The following SPTLC2 variants were observed in gnomAD, a reference collection of about 807,000 sequenced individuals.
SPTLC2 encodes serine palmitoyltransferase 2.
A neutral mutation model predicts 62.0 loss-of-function variants in SPTLC2; 21 were observed. The ratio of observed to expected loss-of-function variants is 0.34; its 90% CI spans 0.24 to 0.49. SPTLC2 has a LOEUF of 0.49. Among genes scored for constraint, SPTLC2 ranks in the 20% least tolerant of loss-of-function variants. SPTLC2 has a pLI of 0.99. For synonymous variants in SPTLC2, 261 were observed against 261.8 expected (o/e 1.00, Z 0.03); for missense variants, 511 against 713.0 (o/e 0.72, Z 3.23).
At chr14:77,567,071 C>T (rs1333910048) in intron 5 of SPTLC2, among the ~76,000 whole-genome samples, 2 of 152,010 alleles carry the variant, frequency 1.3e-5, no homozygotes, top group South Asian at 2.1e-4. Context: ...CCCGGGTTCA[C>T]GCCATTCTCC....
chr14:77,554,609 A>C (rs1162252398), intron 8 of SPTLC2: 1 of 153,408 alleles, frequency 6.5e-6, no homozygotes, highest in African/African-American at 2.4e-5. Flanking sequence ...ACAATCTTAC[A>C]AGCTGGGCAT....
intron 1 of SPTLC2, among the ~76,000 whole-genome samples, chr14:77,606,836 A>C (rs1182137165): frequency 4.6e-5 from 7 of 152,108 alleles, no homozygotes; most frequent in Non-Finnish European, 8.8e-5. Context: ...AACATTTTCA[A>C]AAGTTAGCCG....
At position 77,591,730 on chromosome 14, in the gene SPTLC2, G is replaced by GTATGTATGTATTTATTTATT. The variant is rs372095112; in HGVS notation, c.327+5455_327+5456insAATAAATAAATACATACATA. Among the ~76,000 whole-genome samples, 214 of 131,268 alleles carry GTATGTATGTATTTATTTATT rather than the reference G, an allele frequency of 1.6e-3. 2 individuals carry two copies. Among genetic ancestry groups the GTATGTATGTATTTATTTATT allele is most frequent in the Middle Eastern group, 0.014 (4 of 280 alleles). The allele number at this position is 131,268 out of a possible 152,430, so 86.1% of individuals were successfully genotyped here. ...TGTATGTATGTATGTATGTATGTATGTATTTATTTTTAGACGGAGTTTCTC... is the reference window on the plus strand; with the variant it reads ...TGTATGTATGTATGTATGTATGTATGTATGTATGTATTTATTTATTTATTTATTTTTAGACGGAGTTTCTC... On this transcript the variant is annotated intron_variant, in intron 2 of 11. Coordinates refer to ENST00000216484, the MANE Select transcript of SPTLC2 (RefSeq NM_004863.4).
chr14:77,574,037 G>A (rs1276703954), intron 4 of SPTLC2, among the ~76,000 whole-genome samples: 1 of 152,172 alleles, frequency 6.6e-6, no homozygotes, highest in Non-Finnish European at 1.5e-5. Flanking sequence ...AGCTAGGAAG[G>A]TTTCTCCAGA....
chr14:77,518,084 G>A lies in SPTLC2; in HGVS notation c.1523C>T (p.Ala508Val). 1 of 1,614,142 alleles carries A rather than the reference G, an allele frequency of 6.2e-7. No homozygotes were observed. Among genetic ancestry groups the A allele is most frequent in the South Asian group, 1.1e-5 (1 of 91,076 alleles). ...ATGAGCTGCTGACAGGCAAAACCTG[G>A]CTCTGGACTCAATAATTGGGGTGGC... ...FPATPIIESR[A>V]RFCLSAAHTK... is the part of the protein sequence containing the mutation. The change falls in exon 11 of 12, where the codon GCC becomes GTC. Residue 508 changes from alanine (A) to valine (V), a missense_variant. Physicochemically the swap from Ala to Val is moderately conservative, Grantham distance 64. Coordinates refer to ENST00000216484, the MANE Select transcript of SPTLC2 (RefSeq NM_004863.4).
intron 1 of SPTLC2, among the ~76,000 whole-genome samples, chr14:77,615,516 G>C (rs2079961777): frequency 6.6e-6 from 1 of 152,200 alleles, no homozygotes; most frequent in Admixed American, 6.5e-5. Flanking sequence ...ACGTATTAAA[G>C]TCAACTGCAA....
intron 2 of SPTLC2, among the ~76,000 whole-genome samples, chr14:77,587,664 G>A (rs114133603): frequency 0.019 from 2,851 of 151,914 alleles, 92 homozygotes; most frequent in African/African-American, 0.063. Context: ...CTACTCGGAA[G>A]GCTGATCTCT....
chr14:77,611,858 C>G (rs1294023242), intron 1 of SPTLC2, among the ~76,000 whole-genome samples: 1 of 151,800 alleles, frequency 6.6e-6, no homozygotes, highest in Non-Finnish European at 1.5e-5. Flanking sequence ...GAGATTATCT[C>G]AATGTTTTAT....
Position 77,512,188 on chromosome 14 carries a change from A to C in SPTLC2, c.*96T>G. 6.3e-7 allele frequency: 1 copy of C among 1,575,084 alleles called. No homozygotes were observed. Among genetic ancestry groups the C allele is most frequent in the South Asian group, 1.1e-5 (1 of 89,852 alleles). ...TAGCTGAGGCAATGTCTTTCACGTG[A>C]GATGGCCACAGAAGTGTGGTTCCTG... On this transcript the variant is annotated 3_prime_UTR_variant, in exon 12 of 12. Coordinates refer to ENST00000216484, the MANE Select transcript of SPTLC2 (RefSeq NM_004863.4).
chr14:77,513,016 C>CAT (rs2079340539), intron 11 of SPTLC2, among the ~76,000 whole-genome samples: 2 of 62,820 alleles, frequency 3.2e-5, no homozygotes, highest in African/African-American at 6.3e-5. Flanking sequence ...AACCCAGCAA[C>CAT]TTTTTTTTTT....
rs1183105939 is a variant in SPTLC2, at chr14:77,512,340, C to A, written c.1633G>T (p.Val545Leu). 3 of 1,614,198 alleles carry A rather than the reference C, an allele frequency of 1.9e-6. No homozygotes were observed. The highest frequency in any genetic ancestry group is 1.6e-4 in the Middle Eastern group (1 of 6,062). Residue 545 changes from valine (V) to leucine (L), a missense_variant, in exon 12 of 12, where the codon GTA becomes TTA. Coordinates refer to ENST00000216484, the MANE Select transcript of SPTLC2 (RefSeq NM_004863.4). ...LQLKYSRHRL[V>L]PLLDRPFDET... ...TCAAAGGGCCTGTCCAGTAGAGGTACCAACCGATGACGGGAATACTTCAGC... is the reference window on the plus strand; with the variant it reads ...TCAAAGGGCCTGTCCAGTAGAGGTAACAACCGATGACGGGAATACTTCAGC...
At chr14:77,615,067 T>C (rs777766782) in intron 1 of SPTLC2, among the ~76,000 whole-genome samples, 7 of 152,208 alleles carry the variant, frequency 4.6e-5, no homozygotes, top group Non-Finnish European at 8.8e-5. Flanking sequence ...AATTTCCCTA[T>C]TACATTCTAT....
chr14:77,595,289 C>T (rs886141400), intron 2 of SPTLC2, among the ~76,000 whole-genome samples: 15 of 151,172 alleles, frequency 9.9e-5, no homozygotes, highest in Admixed American at 6.6e-4. Context: ...TGCTTGGACC[C>T]GGGAGGCGGA....
chr14:77,545,779 T>C (rs2140012402), intron 9 of SPTLC2, among the ~76,000 whole-genome samples: 1 of 152,308 alleles, frequency 6.6e-6, no homozygotes, highest in African/African-American at 2.4e-5. Flanking sequence ...CAATAGACAC[T>C]GGGCATCCTA....
intron 7 of SPTLC2, among the ~76,000 whole-genome samples, chr14:77,555,946 C>A (rs1436739369): frequency 1.3e-5 from 2 of 152,028 alleles, no homozygotes; most frequent in African/African-American, 4.8e-5. Flanking sequence ...AATGGTCTGA[C>A]AACTGTATCT....
At chr14:77,581,183 GT>G (rs777261991) in intron 2 of SPTLC2, among the ~76,000 whole-genome samples, 36 of 152,288 alleles carry the variant, frequency 2.4e-4, no homozygotes, top group Non-Finnish European at 4.7e-4. Context: ...AAATTAAGCT[GT>G]TAACTAAATC....
chr14:77,531,602 C>T (rs141359482), intron 9 of SPTLC2, among the ~76,000 whole-genome samples: 190 of 152,010 alleles, frequency 1.2e-3, no homozygotes, highest in African/African-American at 4.3e-3. Context: ...CAACCTCCAC[C>T]TCCCAGGTTT....
At chr14:77,543,194 C>T (rs1405725536) in intron 9 of SPTLC2, among the ~76,000 whole-genome samples, 3 of 152,154 alleles carry the variant, frequency 2.0e-5, no homozygotes, top group East Asian at 1.9e-4. Flanking sequence ...GGACTACAGG[C>T]GTGCACCACC....
intron 5 of SPTLC2, among the ~76,000 whole-genome samples, chr14:77,564,350 A>T (rs2079632176): frequency 6.6e-6 from 1 of 151,358 alleles, no homozygotes; most frequent in Admixed American, 6.6e-5. Context: ...GGAGAAGACT[A>T]GAGCCGGCAG....
Sources: gnomAD v4.1 joint callset for allele counts (sites outside exome capture counted in the v4.1 genomes callset) on GRCh38, gnomAD v4.1.1 for gene constraint, MANE v1.5 for transcripts, NCBI Gene and HGNC (gene_info 2026-07-23, HGNC 2026-07-21) for gene names.